The following CGGBP1 variants were observed in gnomAD, a reference collection of about 807,000 sequenced individuals.
CGGBP1 encodes CGG triplet repeat-binding protein 1.
CGGBP1 carries 4 observed loss-of-function variants against 11.4 expected under a neutral mutation model. That is an observed-to-expected ratio of 0.35 (90% confidence interval 0.17 to 0.80). The LOEUF (loss-of-function observed/expected upper bound fraction) is 0.80. CGGBP1 is among the 30% of genes least tolerant of loss of function. The probability of loss-of-function intolerance (pLI) is 0.52; values close to 1 mark genes in which losing one functional copy is unlikely to be tolerated. For synonymous variants in CGGBP1, 76 were observed against 74.1 expected, an observed-to-expected ratio of 1.03 and a Z score of -0.13; for missense variants, 135 against 202.1, an observed-to-expected ratio of 0.67 and a Z score of 2.01.
chr3:88,087,053 A>G (rs945488833), intron 2 of CGGBP1, among the ~76,000 whole-genome samples: 1 of 151,314 alleles, frequency 6.6e-6, no homozygotes, highest in Non-Finnish European at 1.5e-5. Flanking sequence ...AAGTGCTGGG[A>G]TTACAGGCTT....
At position 88,052,544 on chromosome 3, in the gene CGGBP1, G is replaced by T. The variant is rs1051413; in HGVS notation, c.*2929C>A. On this transcript the variant is annotated 3_prime_UTR_variant, in exon 4 of 4. Coordinates refer to ENST00000482016, the MANE Select transcript of CGGBP1 (RefSeq NM_001008390.2). The stretch of plus-strand genomic sequence containing the variant: ...TCTTACAGGCAAAAGTTTTAACGTG[G>T]AAGTTTCAGCTTGGAGATCTTGCCA... The T allele has an allele frequency of 0.78, 119,488 of 152,528 alleles. 47,726 individuals carry two copies. Among genetic ancestry groups the T allele is most frequent in the South Asian group, 0.91 (4,391 of 4,830 alleles). 9.4% of individuals were successfully genotyped at this position (152,528 alleles called of 1,614,324 possible).
chr3:88,077,688 A>G (rs1707887290), intron 2 of CGGBP1, among the ~76,000 whole-genome samples: 2 of 56,004 alleles, frequency 3.6e-5, no homozygotes, highest in Admixed American at 4.3e-4. Context: ...ACATGCTGTA[A>G]TACTTACTAT....
At chr3:88,064,434 C>T (rs1272704148) in intron 2 of CGGBP1, among the ~76,000 whole-genome samples, 2 of 152,136 alleles carry the variant, frequency 1.3e-5, no homozygotes, top group African/African-American at 2.4e-5. Flanking sequence ...TCAGTGTCTT[C>T]AGAGAATTAG....
At chr3:88,130,065 A>T (rs1425110226) in intron 2 of CGGBP1, among the ~76,000 whole-genome samples, 1 of 152,224 alleles carries the variant, frequency 6.6e-6, no homozygotes, top group Admixed American at 6.5e-5. Context: ...CAGTGGTTTG[A>T]AATTAAATTT....
chr3:88,070,002 A>G (rs928225691), intron 2 of CGGBP1, among the ~76,000 whole-genome samples: 1 of 152,216 alleles, frequency 6.6e-6, no homozygotes, highest in Non-Finnish European at 1.5e-5. Flanking sequence ...TCATTTGACA[A>G]ATCTCTCAAA....
intron 2 of CGGBP1, chr3:88,086,284 C>A (rs1219701804): frequency 6.5e-7 from 1 of 1,533,864 alleles, no homozygotes. Flanking sequence ...TGGAAGATGG[C>A]AGGTCCCTTT....
chr3:88,095,424 T>A (rs1256453846), intron 2 of CGGBP1: 3 of 342,242 alleles, frequency 8.8e-6, no homozygotes, highest in Admixed American at 4.3e-5. Context: ...CTTTGCTGTT[T>A]TTTCCTCTTT....
upstream of CGGBP1, among the ~76,000 whole-genome samples, chr3:88,061,922 G>C (rs1706909142): frequency 6.6e-6 from 1 of 152,144 alleles, no homozygotes; most frequent in Non-Finnish European, 1.5e-5. Flanking sequence ...TCAAAGAAAG[G>C]CTCTGGTTTA....
intron 2 of CGGBP1, among the ~76,000 whole-genome samples, chr3:88,111,809 A>G (rs1271382456): frequency 1.3e-5 from 2 of 151,988 alleles, no homozygotes; most frequent in Non-Finnish European, 1.5e-5. Context: ...TCCTGTTTCT[A>G]TACACCAAAG....
chr3:88,139,852 A>G lies in CGGBP1; in HGVS notation c.-229+1118T>C, dbSNP rs375388602. ...GAAACTTCAGTAATTCATAAAATCAATGGAACTGTGTGCCATCCAAAAGAC... is the reference window on the plus strand; with the variant it reads ...GAAACTTCAGTAATTCATAAAATCAGTGGAACTGTGTGCCATCCAAAAGAC... On this transcript the variant is annotated intron_variant, in intron 2 of 3. Coordinates refer to the CGGBP1 transcript ENST00000462901. The G allele has an allele frequency of 5.7e-5, 91 of 1,593,726 alleles. No individual in the cohort carries two copies. The Admixed American group carries it at 6.2e-4, about 11-fold the overall frequency.
chr3:88,135,438 T>G (rs1420392849), intron 2 of CGGBP1: 1 of 296,454 alleles, frequency 3.4e-6, no homozygotes, highest in Non-Finnish European at 6.1e-6. Flanking sequence ...ACAACCTTTT[T>G]TCTTATAATT....
chr3:88,149,770 C>A, exon 1 of CGGBP1: 1 of 268,116 alleles, frequency 3.7e-6, no homozygotes, highest in South Asian at 5.4e-5. Flanking sequence ...TTTCGGTAAC[C>A]AGCTCCCTTG....
At chr3:88,100,431 T>C (rs1279489510) in intron 2 of CGGBP1, among the ~76,000 whole-genome samples, 1 of 152,166 alleles carries the variant, frequency 6.6e-6, no homozygotes, top group African/African-American at 2.4e-5. Context: ...CTCAGGGATG[T>C]AGAACTAGAA....
At chr3:88,141,984 A>C (rs1333430986) in intron 1 of CGGBP1, 2 of 213,892 alleles carry the variant, frequency 9.4e-6, no homozygotes, top group African/African-American at 2.5e-5. Context: ...GGCCTTACAG[A>C]AAGGGAAAAA....
intron 2 of CGGBP1, among the ~76,000 whole-genome samples, chr3:88,094,606 A>C (rs1703947418): frequency 6.6e-6 from 1 of 152,144 alleles, no homozygotes; most frequent in African/African-American, 2.4e-5. Flanking sequence ...GATATACAAA[A>C]ATTAGAGCAA....
chr3:88,138,987 A>G (rs1706964783), intron 2 of CGGBP1: 1 of 1,246,446 alleles, frequency 8.0e-7, no homozygotes, highest in Non-Finnish European at 1.0e-6. Flanking sequence ...ATTGCTTCCA[A>G]TTTTGAAAAA....
At chr3:88,091,324 A>G (rs1423824294) in intron 2 of CGGBP1, among the ~76,000 whole-genome samples, 1 of 152,186 alleles carries the variant, frequency 6.6e-6, no homozygotes, top group Non-Finnish European at 1.5e-5. Context: ...ATCACACTAC[A>G]AGGAAAATGT....
At chr3:88,087,341 C>A (rs1708390374) in intron 2 of CGGBP1, among the ~76,000 whole-genome samples, 1 of 152,186 alleles carries the variant, frequency 6.6e-6, no homozygotes, top group Non-Finnish European at 1.5e-5. Context: ...TTCCAAAGTG[C>A]TGGGATTACA....
At chr3:88,139,208 T>C (rs1383385606) in intron 2 of CGGBP1, 1 of 1,461,684 alleles carries the variant, frequency 6.8e-7, no homozygotes, top group Non-Finnish European at 9.0e-7. Flanking sequence ...CTGATCCTGA[T>C]GATGTATCTG....
Sources: allele counts gnomAD v4.1 joint callset (sites outside exome capture counted in the v4.1 genomes callset), GRCh38; gene constraint gnomAD v4.1.1; transcripts MANE v1.5; gene names NCBI Gene and HGNC (gene_info 2026-07-23, HGNC 2026-07-21).